NF2: variants seen among roughly 807,000 people sequenced by gnomAD.
The protein encoded by NF2 is merlin.
A neutral mutation model predicts 83.7 loss-of-function variants in NF2; 8 were observed. The ratio of observed to expected loss-of-function variants is 0.10; its 90% confidence interval spans 0.06 to 0.17. The LOEUF is 0.17. Among genes scored for constraint, NF2 ranks in the 10% least tolerant of loss-of-function variants. NF2 has a pLI of 1.00. For synonymous variants in NF2, 266 were observed against 269.6 expected, an observed-to-expected ratio of 0.99 and a Z score of 0.13; for missense variants, 533 against 744.4, an observed-to-expected ratio of 0.72 and a Z score of 3.31.
At position 29,678,331 on chromosome 22, in the gene NF2, G is replaced by A; in HGVS notation, c.1574+8G>A. ...GGAGATAGAGAAAGAAAAGTATGTA[G>A]CCCCCTGTGCCCTGCTGTGGGCAGC... On this transcript the variant is annotated splice_region_variant and intron_variant, in intron 14 of 15. Coordinates refer to ENST00000338641, the MANE Select transcript of NF2 (RefSeq NM_000268.4). The A allele has an allele frequency of 6.2e-7, 1 of 1,613,004 alleles. No homozygotes were observed. The highest frequency in any genetic ancestry group is 8.5e-7 in the Non-Finnish European group (1 of 1,179,312).
At chr22:29,658,418 C>T (rs1490338457) in intron 7 of NF2, among the ~76,000 whole-genome samples, 154 bp downstream of exon 7, 4 of 152,210 alleles carry the variant, frequency 2.6e-5, no homozygotes, top group Middle Eastern at 3.4e-3. Context: ...GGTCTTAGTG[C>T]CTAACTTTCT....
At chr22:29,675,468 C>A (rs1360717265) in intron 13 of NF2, among the ~76,000 whole-genome samples, 2 of 147,412 alleles carry the variant, frequency 1.4e-5, no homozygotes, top group African/African-American at 2.5e-5. Context: ...TCTGTGCATT[C>A]AGTTTGGCAT....
intron 1 of NF2, among the ~76,000 whole-genome samples, chr22:29,627,047 C>A (rs1347682377): frequency 6.6e-6 from 1 of 151,972 alleles, no homozygotes; most frequent in Non-Finnish European, 1.5e-5. Context: ...TAATAGCAGA[C>A]CCTGAATGAG....
At chr22:29,612,486 C>CTT (rs574380322) in intron 1 of NF2, among the ~76,000 whole-genome samples, 4 of 148,844 alleles carry the variant, frequency 2.7e-5, no homozygotes, top group Non-Finnish European at 1.5e-5. Flanking sequence ...TCATCCCTAG[C>CTT]TTTTTTTTTT....
chr22:29,697,776 G>C lies in NF2; in HGVS notation c.*2974G>C. ...AGACGGGGTTTCTCCATGTCGGTCA[G>C]GCTGGTCTCGAACTCCCGACCTCAG... On this transcript the variant is annotated 3_prime_UTR_variant, in exon 16 of 16. Coordinates refer to ENST00000338641, the MANE Select transcript of NF2 (RefSeq NM_000268.4). 1 of 178,860 alleles carries C rather than the reference G, an allele frequency of 5.6e-6. No individual in the cohort carries two copies. Among genetic ancestry groups the C allele is most frequent in the Non-Finnish European group, 1.2e-5 (1 of 83,374 alleles). The allele number at this position is 178,860 out of a possible 1,614,324, so 11.1% of individuals were successfully genotyped here.
intron 10 of NF2, 68 bp downstream of exon 10, chr22:29,668,514 T>C (rs1305603772): frequency 8.3e-7 from 1 of 1,209,246 alleles, no homozygotes; most frequent in Non-Finnish European, 1.2e-6. Flanking sequence ...AGGCGAGGAG[T>C]GGTCATGGGC....
chr22:29,682,986 T>G (rs183302508), intron 15 of NF2: 3 of 1,613,684 alleles, frequency 1.9e-6, no homozygotes, highest in Non-Finnish European at 2.5e-6. Context: ...CAGGGTATGT[T>G]TTTGTTTTTC....
At chr22:29,689,742 C>T (rs974304723) in intron 15 of NF2, among the ~76,000 whole-genome samples, 2 of 152,196 alleles carry the variant, frequency 1.3e-5, no homozygotes, top group Non-Finnish European at 2.9e-5. Flanking sequence ...TCCTTTCTCT[C>T]ACCACTGATA....
chr22:29,626,496 C>T (rs1398968999), intron 1 of NF2, among the ~76,000 whole-genome samples: 4 of 152,098 alleles, frequency 2.6e-5, no homozygotes, highest in African/African-American at 4.8e-5. Flanking sequence ...CATGCCTGTA[C>T]CTTCTAATGT....
At position 29,643,767 on chromosome 22, in the gene NF2, G is replaced by A. The variant is rs1312558394; in HGVS notation, c.447+1482G>A. 6.6e-5 allele frequency among the ~76,000 whole-genome samples: 10 copies of A among 152,186 alleles called. No individual in the cohort carries two copies. In the East Asian group the frequency reaches 1.9e-3, roughly 29 times the overall value. ...TCCCCCCTTTCTATTCCACAAAGCC[G>A]CCATTGTCATCCTGGCCCGTTCTCA... On this transcript the variant is annotated intron_variant, in intron 4 of 15. Transcript: ENST00000338641.
intron 8 of NF2, among the ~76,000 whole-genome samples, chr22:29,661,886 C>T (rs2066488802): frequency 2.6e-5 from 4 of 152,062 alleles, no homozygotes; most frequent in South Asian, 2.1e-4. Flanking sequence ...CACATATGGA[C>T]ATATATGTGT....
chr22:29,681,366 TGG>T, intron 14 of NF2, 71 bp from the exon 15 acceptor site: 1 of 1,589,320 alleles, frequency 6.3e-7, no homozygotes, highest in Non-Finnish European at 8.6e-7. Flanking sequence ...AAGCAGCTTG[TGG>T]GCCGCAGAGC....
At chr22:29,610,900 T>C (rs182082392) in intron 1 of NF2, among the ~76,000 whole-genome samples, 1 of 152,156 alleles carries the variant, frequency 6.6e-6, no homozygotes, top group Admixed American at 6.5e-5. Flanking sequence ...ATCTTACAAA[T>C]GTGGAAGCAA....
At chr22:29,611,611 A>G (rs2064955168) in intron 1 of NF2, among the ~76,000 whole-genome samples, 1 of 152,254 alleles carries the variant, frequency 6.6e-6, no homozygotes, top group Admixed American at 6.5e-5. Context: ...CACTACTGCT[A>G]TTCAGCATTG....
chr22:29,635,431 T>G (rs1463297171), intron 1 of NF2, among the ~76,000 whole-genome samples: 1 of 151,954 alleles, frequency 6.6e-6, no homozygotes, highest in East Asian at 1.9e-4. Flanking sequence ...CGGTTTCGAG[T>G]GATTCCCCTG....
intron 1 of NF2, among the ~76,000 whole-genome samples, chr22:29,635,501 T>G (rs993301932): frequency 6.6e-6 from 1 of 152,046 alleles, no homozygotes; most frequent in African/African-American, 2.4e-5. Context: ...GCTAATTTTT[T>G]AGTATTTTAC....
chr22:29,667,176 A>G (rs2066647704), intron 9 of NF2, among the ~76,000 whole-genome samples: 1 of 152,052 alleles, frequency 6.6e-6, no homozygotes, highest in Admixed American at 6.6e-5. Flanking sequence ...TTGTATTATC[A>G]GCCTTTTAAA....
intron 1 of NF2, chr22:29,609,050 C>T (rs1698687035): frequency 1.4e-6 from 1 of 726,802 alleles, no homozygotes; most frequent in African/African-American, 1.7e-5. Flanking sequence ...CAAGCCAGAA[C>T]AGTGGGTAAA....
At chr22:29,608,967 C>A in intron 1 of NF2, 1 of 618,392 alleles carries the variant, frequency 1.6e-6, no homozygotes, top group Non-Finnish European at 3.0e-6. Context: ...GGGCCCAGTG[C>A]CTCTGGATGC....
Sources: gnomAD v4.1 joint callset for allele counts (sites outside exome capture counted in the v4.1 genomes callset) on GRCh38, gnomAD v4.1.1 for gene constraint, MANE v1.5 for transcripts, NCBI Gene and HGNC (gene_info 2026-07-23, HGNC 2026-07-21) for gene names.